The following RBM33 variants were observed in gnomAD, a reference collection of about 807,000 sequenced individuals.
RBM33 encodes RNA binding motif protein 33.
Under a neutral mutation model 132.6 loss-of-function variants are expected in RBM33, and 28 were observed. The ratio of observed to expected loss-of-function variants is 0.21; its 90% CI spans 0.16 to 0.29. The LOEUF (loss-of-function observed/expected upper bound fraction) is 0.29, where lower values mean the gene tolerates loss of function less well. Among genes scored for constraint, RBM33 ranks in the 10% least tolerant of loss-of-function variants. The probability of loss-of-function intolerance (pLI) is 1.00; values close to 1 mark genes in which losing one functional copy is unlikely to be tolerated. For missense variants in RBM33, 1,291 were observed against 1,518.5 expected (o/e 0.85, Z 2.49); for synonymous variants, 634 against 593.0 (o/e 1.07, Z -1.01).
At chr7:155,673,789 CACACACACACA>C (rs1563138140) in intron 3 of RBM33, among the ~76,000 whole-genome samples, 6 of 147,066 alleles carry the variant, frequency 4.1e-5, no homozygotes, top group African/African-American at 1.6e-4. Flanking sequence ...CACACACACA[CACACACACACA>C]CCCCTACCAG....
intron 14 of RBM33, among the ~76,000 whole-genome samples, chr7:155,755,605 A>C (rs1010773238): frequency 2.0e-5 from 3 of 152,226 alleles, no homozygotes; most frequent in Admixed American, 6.5e-5. Context: ...GATAGGTATA[A>C]TCAAGAGTTG....
Position 155,780,553 on chromosome 7 carries a change from T to G in RBM33, c.*5512T>G, listed in dbSNP as rs185142727. 1.3e-5 allele frequency: 2 copies of G among 152,446 alleles called. No homozygotes were observed. The highest frequency in any genetic ancestry group is 4.8e-5 in the African/African-American group (2 of 41,462). 9.4% of individuals were successfully genotyped at this position (152,446 alleles called of 1,614,324 possible). On this transcript the variant is annotated 3_prime_UTR_variant, in exon 18 of 18. Coordinates refer to ENST00000401878, the MANE Select transcript of RBM33 (RefSeq NM_053043.3). ...CCCTCTCTGTCCATTTCTGTTTTGC[T>G]TTCCTGGCTAAACCCATCTACCATT...
At chr7:155,734,927 AT>A (rs761872152) in intron 9 of RBM33, among the ~76,000 whole-genome samples, 197 of 152,112 alleles carry the variant, frequency 1.3e-3, no homozygotes, top group Non-Finnish European at 2.4e-3. Flanking sequence ...CAGAACCTTG[AT>A]TGCTAATTTA....
chr7:155,763,052 T>G (rs901165017), intron 14 of RBM33, among the ~76,000 whole-genome samples: 2 of 152,248 alleles, frequency 1.3e-5, no homozygotes, highest in African/African-American at 4.8e-5. Context: ...GGTGGTGCAG[T>G]TCCAAGGTGT....
At chr7:155,709,044 C>CG (rs1483197003) in intron 7 of RBM33, among the ~76,000 whole-genome samples, 1 of 152,128 alleles carries the variant, frequency 6.6e-6, no homozygotes, top group East Asian at 1.9e-4. Context: ...GGGCATCACA[C>CG]GGTCTCTTTG....
intron 9 of RBM33, among the ~76,000 whole-genome samples, chr7:155,734,898 A>C (rs938128478): frequency 9.5e-4 from 134 of 141,554 alleles, no homozygotes; most frequent in Non-Finnish European, 2.8e-4. Context: ...CATCATTTAA[A>C]CATTTTTTTG....
Position 155,680,642 on chromosome 7 carries a change from T to C in RBM33, c.301T>C (p.Phe101Leu), listed in dbSNP as rs374999406. The C allele has an allele frequency of 3.4e-5, 54 of 1,609,090 alleles. 1 individual carries two copies. The African/African-American group carries it at 5.2e-4, about 15-fold the overall frequency. ...LNATSGMVTS[F>L]ELSDNTNDQS... is the part of the protein sequence containing the mutation. The stretch of plus-strand genomic sequence containing the variant: ...TGCTACATCTGGCATGGTTACATCA[T>C]TTGAACTCTCTGACAACACTAACGA... The change falls in exon 5 of 18, where the codon TTT becomes CTT. Residue 101 changes from phenylalanine to leucine, a missense_variant. This residue lies in a region of RBM33 where 194 missense variants were observed against 249.8 expected (regional missense o/e 0.78). Coordinates refer to ENST00000401878, the MANE Select transcript of RBM33 (RefSeq NM_053043.3).
chr7:155,726,713 A>C (rs983908741), intron 9 of RBM33, among the ~76,000 whole-genome samples: 5 of 152,240 alleles, frequency 3.3e-5, no homozygotes, highest in Non-Finnish European at 4.4e-5. Flanking sequence ...AGAAGTTAAT[A>C]AAGAAATGAT....
chr7:155,704,336 C>G (rs906039057), intron 6 of RBM33, among the ~76,000 whole-genome samples: 1 of 152,108 alleles, frequency 6.6e-6, no homozygotes, highest in African/African-American at 2.4e-5. Flanking sequence ...TGACAGTGTT[C>G]TCGGTTTTCC....
chr7:155,653,551 G>A (rs907374818), intron 1 of RBM33, among the ~76,000 whole-genome samples: 2 of 145,608 alleles, frequency 1.4e-5, no homozygotes, highest in Non-Finnish European at 3.0e-5. Flanking sequence ...GGGTTAGAAC[G>A]TTCAGGCTCA....
intron 14 of RBM33, among the ~76,000 whole-genome samples, chr7:155,761,075 A>G (rs771400286): frequency 2.0e-5 from 3 of 152,232 alleles, no homozygotes; most frequent in Non-Finnish European, 2.9e-5. Flanking sequence ...GATAGCAGAT[A>G]TACACACGGT....
intron 5 of RBM33, among the ~76,000 whole-genome samples, chr7:155,697,738 TA>T (rs1248702575): frequency 1.2e-4 from 19 of 152,344 alleles, no homozygotes; most frequent in African/African-American, 4.6e-4. Flanking sequence ...CAAGTCTGAG[TA>T]TTTTTCCCTC....
chr7:155,771,389 TGAAA>T (rs1802421684), intron 16 of RBM33, among the ~76,000 whole-genome samples: 1 of 152,226 alleles, frequency 6.6e-6, no homozygotes, highest in African/African-American at 2.4e-5. Flanking sequence ...GGTTTATTTC[TGAAA>T]GAAGGTACAA....
chr7:155,710,199 A>G (rs923963552), intron 7 of RBM33, among the ~76,000 whole-genome samples: 10 of 152,232 alleles, frequency 6.6e-5, no homozygotes, highest in Non-Finnish European at 1.3e-4. Context: ...AGACAACTGA[A>G]TAAGTAGTGG....
chr7:155,711,217 T>C lies in RBM33; in HGVS notation c.963T>C (p.Pro321=), dbSNP rs2116977130. 1 of 1,571,474 alleles carries C rather than the reference T, an allele frequency of 6.4e-7. No homozygotes were observed. The change falls in exon 8 of 18, where the codon CCT becomes CCC. Residue 321 remains proline (P), a synonymous_variant. Coordinates refer to ENST00000401878, the MANE Select transcript of RBM33 (RefSeq NM_053043.3). ...TQPPVVPQAP[P]PPPPPPQQQP... Reference sequence around the variant, plus strand: ...TTCCTCCACAGCCCCAGGCTCCCCCTCCACCGCCACCGCCGCCTCAGCAGC... The same window carrying C: ...TTCCTCCACAGCCCCAGGCTCCCCCCCCACCGCCACCGCCGCCTCAGCAGC...
intron 1 of RBM33, among the ~76,000 whole-genome samples, chr7:155,664,388 A>G (rs1203116755): frequency 6.6e-6 from 1 of 150,738 alleles, no homozygotes; most frequent in Admixed American, 6.6e-5. Flanking sequence ...AGTAGCTGGG[A>G]TAGCTGGGAC....
At chr7:155,725,782 A>G (rs899577800) in intron 9 of RBM33, among the ~76,000 whole-genome samples, 3 of 152,140 alleles carry the variant, frequency 2.0e-5, no homozygotes, top group African/African-American at 7.2e-5. Context: ...TGAACCATTA[A>G]CATTATCCTA....
intron 8 of RBM33, among the ~76,000 whole-genome samples, chr7:155,716,316 GTTT>G (rs59289310): frequency 2.0e-5 from 2 of 102,370 alleles, no homozygotes; most frequent in African/African-American, 3.9e-5. Flanking sequence ...CTTTTCTGCT[GTTT>G]TTTTTTTTTT....
chr7:155,723,668 G>GCCAA (rs1800690013), intron 9 of RBM33, among the ~76,000 whole-genome samples: 1 of 152,196 alleles, frequency 6.6e-6, no homozygotes, highest in Non-Finnish European at 1.5e-5. Flanking sequence ...TGGTCAGCAT[G>GCCAA]CGTTGCATGT....
Sources: gnomAD v4.1 joint callset for allele counts (sites outside exome capture counted in the v4.1 genomes callset) on GRCh38, gnomAD v4.1.1 for gene constraint, gnomAD v4.1.1 regional missense constraint, MANE v1.5 for transcripts, NCBI Gene and HGNC (gene_info 2026-07-23, HGNC 2026-07-21) for gene names.